C16orf74: variants seen among roughly 807,000 people sequenced by gnomAD.
C16orf74 encodes the protein calcimembrin.
Under a neutral mutation model 6.5 loss-of-function variants are expected in C16orf74, and 10 were observed. The observed-to-expected ratio is 1.54, with a 90% CI of 0.95 to 2.61. The LOEUF (loss-of-function observed/expected upper bound fraction) is 2.61, where lower values mean the gene tolerates loss of function less well. C16orf74 is among the 30% of genes most tolerant of loss of function. The pLI, the probability that C16orf74 is intolerant of heterozygous loss-of-function variation, is 0.00. For synonymous variants in C16orf74, 60 were observed against 42.5 expected (o/e 1.41, Z -1.60); for missense variants, 141 against 105.9 (o/e 1.33, Z -1.45).
chr16:85,719,842 A>G (rs984477746), intron 2 of C16orf74, among the ~76,000 whole-genome samples: 1 of 143,656 alleles, frequency 7.0e-6, no homozygotes, highest in Non-Finnish European at 1.5e-5. Context: ...TAGGGGCCAC[A>G]GGCCACAGCA....
At chr16:85,727,287 A>G (rs2152061995) in intron 2 of C16orf74, among the ~76,000 whole-genome samples, 1 of 152,338 alleles carries the variant, frequency 6.6e-6, no homozygotes, top group Admixed American at 6.5e-5. Context: ...AAGGCAAATC[A>G]GAAAAATGGG....
intron 2 of C16orf74, among the ~76,000 whole-genome samples, chr16:85,716,086 A>G (rs985751940): frequency 4.6e-5 from 7 of 152,172 alleles, no homozygotes; most frequent in Non-Finnish European, 7.3e-5. Flanking sequence ...CTCAGTCTCC[A>G]AACCCCTTCC....
intron 2 of C16orf74, among the ~76,000 whole-genome samples, chr16:85,731,434 G>T (rs1443771028): frequency 6.6e-6 from 1 of 152,212 alleles, no homozygotes; most frequent in African/African-American, 2.4e-5. Flanking sequence ...TGGGGGCATG[G>T]TACAGGAGGG....
At position 85,739,909 on chromosome 16, in the gene C16orf74, T is replaced by G. The variant is rs184803753; in HGVS notation, c.-18-4674A>C. On this transcript the variant is annotated intron_variant, in intron 1 of 3. Transcript: ENST00000284245. Reference sequence around the variant, plus strand: ...ATTCTGATTATTGTACTGTGTTCTGTAAGAAATGGTCCTTGCTCGGCCGGG... The same window carrying G: ...ATTCTGATTATTGTACTGTGTTCTGGAAGAAATGGTCCTTGCTCGGCCGGG... Among the ~76,000 whole-genome samples, 10 of 152,244 alleles carry G rather than the reference T, an allele frequency of 6.6e-5. No individual in the cohort carries two copies. The East Asian group carries it at 1.9e-3, about 29-fold the overall frequency.
At chr16:85,712,824 T>A (rs2053983300) in intron 2 of C16orf74, among the ~76,000 whole-genome samples, 1 of 152,180 alleles carries the variant, frequency 6.6e-6, no homozygotes, top group South Asian at 2.1e-4. Flanking sequence ...TCTAAGCCCT[T>A]GGAATATCTT....
intron 3 of C16orf74, 63 bp downstream of exon 3, chr16:85,710,101 G>A: frequency 7.5e-7 from 1 of 1,338,046 alleles, no homozygotes; most frequent in South Asian, 1.8e-5. Context: ...GGACGCCCCT[G>A]AGAGCTGTCT....
At chr16:85,730,169 C>T (rs931691413) in intron 2 of C16orf74, among the ~76,000 whole-genome samples, 5 of 152,106 alleles carry the variant, frequency 3.3e-5, no homozygotes, top group Non-Finnish European at 7.4e-5. Flanking sequence ...GAGATGAAGC[C>T]CGCAGGGAAG....
At chr16:85,747,235 A>C (rs777190225) in intron 1 of C16orf74, among the ~76,000 whole-genome samples, 2 of 152,172 alleles carry the variant, frequency 1.3e-5, no homozygotes, top group Admixed American at 6.5e-5. Context: ...TTTATCAAAA[A>C]ATAAGAGGGC....
At chr16:85,714,404 ATTT>A (rs2054000089) in intron 2 of C16orf74, among the ~76,000 whole-genome samples, 4 of 37,728 alleles carry the variant, frequency 1.1e-4, no homozygotes, top group African/African-American at 3.1e-4. Context: ...TTTATTTATT[ATTT>A]ATTTATTTAT....
intron 2 of C16orf74, among the ~76,000 whole-genome samples, chr16:85,729,925 C>G (rs374764036): frequency 6.6e-6 from 1 of 152,128 alleles, no homozygotes; most frequent in Non-Finnish European, 1.5e-5. Context: ...AGCCCCCCAG[C>G]GTGGTCATTT....
intron 2 of C16orf74, among the ~76,000 whole-genome samples, chr16:85,715,159 A>G (rs2054011080): frequency 6.7e-6 from 1 of 148,496 alleles, no homozygotes; most frequent in South Asian, 2.1e-4. Context: ...TCCGTCTCAA[A>G]AAAAAAAAAA....
At chr16:85,724,986 C>A (rs76854440) in intron 2 of C16orf74, among the ~76,000 whole-genome samples, 1,561 of 151,816 alleles carry the variant, frequency 0.01, 26 homozygotes, top group African/African-American at 0.035. Flanking sequence ...GGAAATGGCG[C>A]TTCGTCTCCC....
chr16:85,745,907 T>C (rs2054368398), intron 1 of C16orf74, among the ~76,000 whole-genome samples: 1 of 152,230 alleles, frequency 6.6e-6, no homozygotes, highest in Non-Finnish European at 1.5e-5. Context: ...AGTTCAGCTC[T>C]AGGCTATGAG....
chr16:85,741,698 A>T (rs1410376023), intron 1 of C16orf74: 2 of 170,090 alleles, frequency 1.2e-5, no homozygotes, highest in Non-Finnish European at 2.9e-5. Context: ...GGCTGAAGGG[A>T]CAAGAAAGAA....
At chr16:85,735,273 C>G (rs548417862) in intron 1 of C16orf74, 38 bp from the exon 2 acceptor site, 2 of 1,506,260 alleles carry the variant, frequency 1.3e-6, no homozygotes, top group East Asian at 2.5e-5. Context: ...GGGGAGGGCG[C>G]GACTTGTTTG....
chr16:85,710,449 C>T (rs1041143666), intron 2 of C16orf74, 142 bp from the exon 3 acceptor site: 2 of 681,806 alleles, frequency 2.9e-6, no homozygotes, highest in African/African-American at 1.9e-5. Flanking sequence ...GCAGCTGTCC[C>T]CGCATCACAG....
rs554198706 is a variant in C16orf74 at position 85,712,016 on chromosome 16, C to A, written c.29-1709G>T. Among the ~76,000 whole-genome samples the A allele has an allele frequency of 2.6e-5, 4 of 152,300 alleles. No individual in the cohort carries two copies. The South Asian group carries it at 8.3e-4, about 32-fold the overall frequency. On this transcript the variant is annotated intron_variant, in intron 2 of 3. Coordinates refer to ENST00000284245, the MANE Select transcript of C16orf74 (RefSeq NM_206967.3). ...TGGTGTGTGACTTCCACGGTGAGGT[C>A]ATAAAAGACATTGCAACTTCCTCCT...
chr16:85,717,197 C>G (rs890861845), intron 2 of C16orf74, among the ~76,000 whole-genome samples: 4 of 152,212 alleles, frequency 2.6e-5, no homozygotes, highest in Admixed American at 6.5e-5. Flanking sequence ...GTTACATAGG[C>G]GGGTGCTGGC....
chr16:85,734,582 GT>G (rs576150126), intron 2 of C16orf74, among the ~76,000 whole-genome samples: 17 of 152,314 alleles, frequency 1.1e-4, no homozygotes, highest in African/African-American at 3.8e-4. Flanking sequence ...TGACTCCCAG[GT>G]TTTTGGCTGG....
Sources: gnomAD v4.1 joint callset for allele counts (sites outside exome capture counted in the v4.1 genomes callset) on GRCh38, gnomAD v4.1.1 for gene constraint, MANE v1.5 for transcripts, NCBI Gene and HGNC (gene_info 2026-07-23, HGNC 2026-07-21) for gene names.